SLC8A1: variants seen among roughly 807,000 people sequenced by gnomAD.
SLC8A1 encodes solute carrier family 8 member A1, also known as sodium/calcium exchanger 1.
In SLC8A1, 18 loss-of-function variants were observed where a neutral mutation model predicts 68.3. The ratio of observed to expected loss-of-function variants is 0.26; its 90% CI spans 0.18 to 0.39. The LOEUF (loss-of-function observed/expected upper bound fraction) is 0.39, where lower values mean the gene tolerates loss of function less well. Among genes scored for constraint, SLC8A1 ranks in the 10% least tolerant of loss-of-function variants. SLC8A1 has a pLI of 1.00. For synonymous variants in SLC8A1, 475 were observed against 415.5 expected, an observed-to-expected ratio of 1.14 and a Z score of -1.74; for missense variants, 985 against 1,156.7, an observed-to-expected ratio of 0.85 and a Z score of 2.15.
chr2:40,307,890 T>C (rs1195810947), intron 2 of SLC8A1, among the ~76,000 whole-genome samples: 1 of 152,132 alleles, frequency 6.6e-6, no homozygotes, highest in Non-Finnish European at 1.5e-5. Context: ...TTTTTGATCA[T>C]GTAACATTCT....
At chr2:40,170,212 CTG>C in intron 4 of SLC8A1, 67 bp downstream of exon 7, 1 of 1,374,172 alleles carries the variant, frequency 7.3e-7, no homozygotes, top group Non-Finnish European at 1.0e-6. Flanking sequence ...AAATGCATGA[CTG>C]TAATGTCTCT....
chr2:40,113,646 T>C (rs556481492), exon 8 of SLC8A1: 4 of 152,674 alleles, frequency 2.6e-5, no homozygotes, highest in Non-Finnish European at 4.4e-5. Flanking sequence ...AATAGCCTTT[T>C]AAGTAAAAAA....
chr2:40,404,094 C>T (rs1689597724), intron 2 of SLC8A1, among the ~76,000 whole-genome samples: 1 of 152,090 alleles, frequency 6.6e-6, no homozygotes, highest in African/African-American at 2.4e-5. Context: ...TATGGTCTCA[C>T]TATGTTGACC....
At chr2:40,251,213 A>G (rs1656580380) in intron 2 of SLC8A1, 1 of 152,228 alleles carries the variant, frequency 6.6e-6, no homozygotes. Flanking sequence ...TGTGTGAGGT[A>G]GATAAGCTTC....
At chr2:40,146,656 G>A (rs1489410302) in intron 6 of SLC8A1, among the ~76,000 whole-genome samples, 10 of 148,112 alleles carry the variant, frequency 6.8e-5, no homozygotes, top group African/African-American at 2.5e-4. Flanking sequence ...AAGATCGTCA[G>A]GCATTAGAGT....
chr2:40,164,821 C>G (rs551461280), intron 5 of SLC8A1, 33 bp downstream of exon 8: 1 of 1,611,676 alleles, frequency 6.2e-7, no homozygotes, highest in East Asian at 2.2e-5. Flanking sequence ...CAAGGTGAGA[C>G]TGGCTCCTGG....
chr2:40,306,860 T>C (rs1029110831), intron 2 of SLC8A1, among the ~76,000 whole-genome samples: 2 of 152,172 alleles, frequency 1.3e-5, no homozygotes, highest in Non-Finnish European at 2.9e-5. Context: ...CAATCTATGC[T>C]GAAGGAATAT....
At chr2:40,282,811 G>C (rs1364116212) in intron 2 of SLC8A1, among the ~76,000 whole-genome samples, 1 of 152,084 alleles carries the variant, frequency 6.6e-6, no homozygotes, top group Non-Finnish European at 1.5e-5. Context: ...AGGAGAAGTT[G>C]AACTCTGAAC....
At chr2:40,182,811 A>G (rs2049879049) in intron 2 of SLC8A1, among the ~76,000 whole-genome samples, 1 of 152,234 alleles carries the variant, frequency 6.6e-6, no homozygotes, top group South Asian at 2.1e-4. Context: ...CCAAAGTGGT[A>G]CCACAGTCTC....
chr2:40,333,335 G>A (rs2076616498), intron 2 of SLC8A1, among the ~76,000 whole-genome samples: 1 of 151,804 alleles, frequency 6.6e-6, no homozygotes, highest in Admixed American at 6.6e-5. Flanking sequence ...TTACTCGGGA[G>A]GTTGAGGCAG....
chr2:40,221,809 G>A (rs475529), intron 2 of SLC8A1, among the ~76,000 whole-genome samples: 150,398 of 152,282 alleles, frequency 0.99, 74,302 homozygotes, highest in East Asian at 1. Context: ...TAGAAATACA[G>A]CTTACAAGGG....
intron 2 of SLC8A1, among the ~76,000 whole-genome samples, chr2:40,317,639 C>CT (rs552145315): frequency 6.3e-4 from 96 of 151,780 alleles, no homozygotes; most frequent in African/African-American, 1.5e-3. Context: ...CTGCATTGTG[C>CT]TTTTTTTTAA....
chr2:40,441,247 A>T (rs1700421569), intron 1 of SLC8A1, among the ~76,000 whole-genome samples: 1 of 152,294 alleles, frequency 6.6e-6, no homozygotes, highest in Non-Finnish European at 1.5e-5. Context: ...TTCAAGGAGA[A>T]CTACAAACCA....
rs148042308 is a variant in SLC8A1, at chr2:40,438,865, G to C, written c.-24-8561C>G. On this transcript the variant is annotated intron_variant, in intron 1 of 7. Coordinates refer to ENST00000406785, the Ensembl canonical transcript of SLC8A1. ...GGTCTTGGACCACCCTTTGTGAAGTGTAAGGCAGAAAGAGCAGAACTGAGT... is the reference window on the plus strand; with the variant it reads ...GGTCTTGGACCACCCTTTGTGAAGTCTAAGGCAGAAAGAGCAGAACTGAGT... Among the ~76,000 whole-genome samples, 792 of 152,278 alleles carry C rather than the reference G, an allele frequency of 5.2e-3. 8 individuals carry two copies. Among genetic ancestry groups the C allele is most frequent in the African/African-American group, 0.018 (742 of 41,568 alleles).
At chr2:40,240,577 A>G (rs534154434) in intron 2 of SLC8A1, among the ~76,000 whole-genome samples, 65 of 152,370 alleles carry the variant, frequency 4.3e-4, no homozygotes, top group African/African-American at 1.5e-3. Flanking sequence ...ATGTTTGGAC[A>G]TGAATGTGCA....
At chr2:40,332,089 A>G (rs1018856966) in intron 2 of SLC8A1, among the ~76,000 whole-genome samples, 1 of 152,110 alleles carries the variant, frequency 6.6e-6, no homozygotes, top group Non-Finnish European at 1.5e-5. Context: ...TGTTGGGACT[A>G]TAGGCATCAG....
At chr2:40,126,840 G>C (rs537176686) in intron 7 of SLC8A1, among the ~76,000 whole-genome samples, 2 of 152,210 alleles carry the variant, frequency 1.3e-5, no homozygotes, top group Non-Finnish European at 2.9e-5. Flanking sequence ...CTTACTCCAC[G>C]GGAGTAGACA....
chr2:40,425,112 G>C (rs1696510576), intron 2 of SLC8A1, among the ~76,000 whole-genome samples: 1 of 151,782 alleles, frequency 6.6e-6, no homozygotes, highest in South Asian at 2.1e-4. Context: ...TTTAGTATGT[G>C]TCATTGATTG....
intron 2 of SLC8A1, among the ~76,000 whole-genome samples, chr2:40,219,416 A>G (rs1031166580): frequency 1.3e-5 from 2 of 152,222 alleles, no homozygotes; most frequent in African/African-American, 4.8e-5. Context: ...AAACAGTTCA[A>G]AATATTGTCA....
Sources: allele counts gnomAD v4.1 joint callset (sites outside exome capture counted in the v4.1 genomes callset), GRCh38; gene constraint gnomAD v4.1.1; transcripts MANE v1.5; gene names NCBI Gene and HGNC (gene_info 2026-07-23, HGNC 2026-07-21).